Variants in THEM4 observed in about 807,000 individuals in gnomAD.
THEM4 encodes the protein acyl-coenzyme A thioesterase THEM4.
THEM4 carries 22 observed loss-of-function variants against 25.0 expected under a neutral mutation model. The observed-to-expected ratio is 0.88, with a 90% CI of 0.63 to 1.26. THEM4 has a LOEUF of 1.26. THEM4 is among the 50% of genes most tolerant of loss of function. The pLI, the probability that THEM4 is intolerant of heterozygous loss-of-function variation, is 0.00. For synonymous variants in THEM4, 113 were observed against 105.6 expected, an observed-to-expected ratio of 1.07 and a Z score of -0.43; for missense variants, 286 against 300.3, an observed-to-expected ratio of 0.95 and a Z score of 0.35.
Position 151,877,580 on chromosome 1 carries a change from T to C in THEM4, c.558-455A>G, listed in dbSNP as rs531603247. 3.3e-5 allele frequency among the ~76,000 whole-genome samples: 5 copies of C among 152,328 alleles called. No individual in the cohort carries two copies. The East Asian group carries it at 9.6e-4, about 29-fold the overall frequency. On this transcript the variant is annotated intron_variant, in intron 4 of 5. Transcript: ENST00000368814. ...TAATGGTCACTAGAAAGACACCTAA[T>C]AACAACAAATTGCTGATAACAGCTT...
chr1:151,883,186 C>T (rs988483027), intron 4 of THEM4, among the ~76,000 whole-genome samples: 4 of 151,784 alleles, frequency 2.6e-5, no homozygotes, highest in East Asian at 3.9e-4. Context: ...GGCGCAATCT[C>T]GGCTCACTGC....
intron 1 of THEM4, among the ~76,000 whole-genome samples, chr1:151,900,386 A>G (rs1460774873): frequency 6.6e-6 from 1 of 152,196 alleles, no homozygotes; most frequent in East Asian, 1.9e-4. Context: ...AAGACACAGA[A>G]CCGCAGAATG....
chr1:151,896,214 G>A (rs941131202), intron 1 of THEM4, among the ~76,000 whole-genome samples: 1 of 151,804 alleles, frequency 6.6e-6, no homozygotes, highest in Non-Finnish European at 1.5e-5. Context: ...GGCTGGTCTC[G>A]AACTTCTGAC....
At chr1:151,890,755 G>C (rs1253702902) in intron 2 of THEM4, 1 of 152,232 alleles carries the variant, frequency 6.6e-6, no homozygotes, top group East Asian at 1.9e-4. Flanking sequence ...TGGTGCAGTG[G>C]AAAGAACCTT....
chr1:151,907,693 T>G (rs1333556629), intron 1 of THEM4, among the ~76,000 whole-genome samples: 2 of 152,198 alleles, frequency 1.3e-5, no homozygotes, highest in Admixed American at 6.5e-5. Context: ...AACCTCTCAC[T>G]TTCATTTCTG....
chr1:151,879,181 A>G (rs1251760504), intron 4 of THEM4, among the ~76,000 whole-genome samples: 1 of 152,170 alleles, frequency 6.6e-6, no homozygotes, highest in Non-Finnish European at 1.5e-5. Flanking sequence ...AATGATTAGA[A>G]AGCCTGAATA....
At chr1:151,904,712 AT>A (rs1654419574) in intron 1 of THEM4, among the ~76,000 whole-genome samples, 1 of 152,206 alleles carries the variant, frequency 6.6e-6, no homozygotes, top group Admixed American at 6.5e-5. Flanking sequence ...GTTTTAAGAT[AT>A]TTAGGACATT....
chr1:151,906,931 G>T (rs1654482281), intron 1 of THEM4, among the ~76,000 whole-genome samples: 1 of 152,278 alleles, frequency 6.6e-6, no homozygotes, highest in African/African-American at 2.4e-5. Context: ...GGTGGGGCCA[G>T]ATAAGAGAAT....
In THEM4 at chr1:151,874,365, T is replaced by TC. The variant is rs1178790010; in HGVS notation, c.*522_*523insG. On this transcript the variant is annotated 3_prime_UTR_variant, in exon 6 of 6. Transcript: ENST00000368814. Reference sequence around the variant, plus strand: ...GTAACATATCCTAAGGAGACAAGAGTTTTTTTTTTTTGTTTGTTTGTTTGT... The same window carrying TC: ...GTAACATATCCTAAGGAGACAAGAGTCTTTTTTTTTTTGTTTGTTTGTTTGT... 2 of 35,982 alleles carry TC rather than the reference T, an allele frequency of 5.6e-5. No homozygotes were observed. Among genetic ancestry groups the TC allele is most frequent in the East Asian group, 9.8e-4 (2 of 2,042 alleles). The allele number at this position is 35,982 out of a possible 1,614,324, so 2.2% of individuals were successfully genotyped here.
At chr1:151,890,770 C>T (rs146010233) in intron 2 of THEM4, 38 of 152,292 alleles carry the variant, frequency 2.5e-4, no homozygotes, top group African/African-American at 8.2e-4. Context: ...AACCTTGGCC[C>T]GTGAGTTGGG....
At chr1:151,881,675 A>G (rs1653823663) in intron 4 of THEM4, among the ~76,000 whole-genome samples, 1 of 152,192 alleles carries the variant, frequency 6.6e-6, no homozygotes, top group Non-Finnish European at 1.5e-5. Context: ...CTGCCAGTGT[A>G]ATGGTGCCCT....
In THEM4 at chr1:151,889,205, CATTCTTACCCAG is replaced by C; in HGVS notation, c.443_446+8del. The C allele has an allele frequency of 6.2e-7, 1 of 1,611,298 alleles. No homozygotes were observed. The highest frequency in any genetic ancestry group is 1.1e-5 in the South Asian group (1 of 90,936). On this transcript the variant is annotated splice_donor_variant and splice_donor_5th_base_variant and coding_sequence_variant and intron_variant, in exon 3 of 6. Coordinates refer to ENST00000368814, the MANE Select transcript of THEM4 (RefSeq NM_053055.5). LOFTEE classifies it high-confidence loss of function. Reference sequence around the variant, plus strand: ...TTTTAGATCCACACTTTCAGGCTATCATTCTTACCCAGGTGGTCCTTCCAGGTAAGGGCCTCC... The same window carrying C: ...TTTTAGATCCACACTTTCAGGCTATCGTGGTCCTTCCAGGTAAGGGCCTCC...
intron 4 of THEM4, among the ~76,000 whole-genome samples, chr1:151,878,695 A>G (rs912999994): frequency 6.6e-6 from 1 of 152,188 alleles, no homozygotes; most frequent in African/African-American, 2.4e-5. Flanking sequence ...ACAACTATAC[A>G]GTGTAATTTT....
chr1:151,882,817 G>C (rs1392323681), intron 4 of THEM4, among the ~76,000 whole-genome samples: 1 of 152,120 alleles, frequency 6.6e-6, no homozygotes, highest in African/African-American at 2.4e-5. Flanking sequence ...AACTTGTAGG[G>C]AGAAATGATT....
intron 1 of THEM4, among the ~76,000 whole-genome samples, chr1:151,903,739 T>G (rs1654401415): frequency 6.6e-6 from 1 of 152,228 alleles, no homozygotes; most frequent in African/African-American, 2.4e-5. Context: ...CTCATCTCAT[T>G]AGCCACTGGT....
intron 1 of THEM4, among the ~76,000 whole-genome samples, chr1:151,901,865 A>T (rs1654360035): frequency 6.6e-6 from 1 of 152,178 alleles, no homozygotes; most frequent in South Asian, 2.1e-4. Flanking sequence ...AACAAAAAAA[A>T]AAAACAAAAA....
intron 3 of THEM4, among the ~76,000 whole-genome samples, chr1:151,888,617 C>A (rs2101722534): frequency 6.6e-6 from 1 of 152,166 alleles, no homozygotes; most frequent in African/African-American, 2.4e-5. Context: ...TAATAGTAAC[C>A]AGATCGCAAG....
rs779567985 is a variant in THEM4 at position 151,909,453 on chromosome 1, C to G, written c.6G>C (p.Leu2=). The G allele has an allele frequency of 4.2e-6, 6 of 1,413,302 alleles. No individual in the cohort carries two copies. The African/African-American group carries it at 9.1e-5, about 21-fold the overall frequency. 87.5% of individuals were successfully genotyped at this position (1,413,302 alleles called of 1,614,324 possible). ...TGCGGAGGCGCGCGGCGCAGCTCCTCAGCATGGCTCCGGGCCGCGGGGCCG... is the reference window on the plus strand; with the variant it reads ...TGCGGAGGCGCGCGGCGCAGCTCCTGAGCATGGCTCCGGGCCGCGGGGCCG... M[L]RSCAARLRTL... Residue 2 remains leucine, a synonymous_variant, in exon 1 of 6, where the codon CTG becomes CTC. Coordinates refer to ENST00000368814, the MANE Select transcript of THEM4 (RefSeq NM_053055.5).
intron 1 of THEM4, among the ~76,000 whole-genome samples, chr1:151,904,748 C>T (rs1654420365): frequency 6.6e-6 from 1 of 152,100 alleles, no homozygotes; most frequent in South Asian, 2.1e-4. Flanking sequence ...TGGGGAGTTA[C>T]TGACTGGGAA....
Sources: allele counts gnomAD v4.1 joint callset (sites outside exome capture counted in the v4.1 genomes callset), GRCh38; gene constraint gnomAD v4.1.1; transcripts MANE v1.5; gene names NCBI Gene and HGNC (gene_info 2026-07-23, HGNC 2026-07-21).